TMIGD3: variants seen among roughly 807,000 people sequenced by gnomAD.
TMIGD3 encodes the protein AD026 protein (AD026).
Under a neutral mutation model 28.1 loss-of-function variants are expected in TMIGD3, and 21 were observed. The observed-to-expected ratio is 0.75, with a 90% CI of 0.53 to 1.08. The LOEUF is 1.08. Ranked by LOEUF, TMIGD3 falls within the 50% of genes least tolerant of loss-of-function variation. TMIGD3 has a pLI of 0.00. For synonymous variants in TMIGD3, 151 were observed against 162.1 expected (o/e 0.93, Z 0.52); for missense variants, 416 against 435.6 (o/e 0.96, Z 0.40).
In TMIGD3 at chr1:111,486,613, T is replaced by C. The variant is rs1273129483; in HGVS notation, c.845A>G (p.Lys282Arg). Residue 282 changes from lysine (K) to arginine (R), a missense_variant, in exon 4 of 6, where the codon AAA becomes AGA. Lys to Arg is a conservative substitution (Grantham distance 26). Transcript: ENST00000369716. The stretch of plus-strand genomic sequence containing the variant: ...GGAGCGGTCAGCCTTGCGGACAACT[T>C]TGGGAGCCTTGCAGCTTCTGGTTTT... ...GNKTRSCKAP[K>R]VVRKADRSRT... The C allele has an allele frequency of 6.8e-6, 11 of 1,613,652 alleles. No homozygotes were observed. Among genetic ancestry groups the C allele is most frequent in the East Asian group, 2.2e-5 (1 of 44,878 alleles).
intron 1 of TMIGD3, among the ~76,000 whole-genome samples, chr1:111,517,110 C>T (rs1395426726): frequency 6.6e-6 from 1 of 152,182 alleles, no homozygotes. Context: ...CATGCTTGCG[C>T]ATGTGTACAC....
rs1242761076 is a variant in TMIGD3, at chr1:111,534,347, G to A, written c.107+29499C>T. ...TACATGACAGCATATCACAAAACAT[G>A]TCCCAAAACGACAATCTTGGCATCC... On this transcript the variant is annotated intron_variant, in intron 1 of 5. Transcript: ENST00000369717. Among the ~76,000 whole-genome samples the A allele has an allele frequency of 5.3e-5, 8 of 152,260 alleles. No individual in the cohort carries two copies. The East Asian group carries it at 1.5e-3, about 29-fold the overall frequency.
chr1:111,506,897 AAT>A (rs370686831), upstream of TMIGD3, among the ~76,000 whole-genome samples: 1 of 131,466 alleles, frequency 7.6e-6, no homozygotes, highest in African/African-American at 3.0e-5. Flanking sequence ...AAAAACAAAA[AAT>A]ATATATATAT....
At chr1:111,535,275 C>T (rs554656792) in intron 1 of TMIGD3, among the ~76,000 whole-genome samples, 107 of 152,324 alleles carry the variant, frequency 7.0e-4, no homozygotes, top group African/African-American at 2.5e-3. Context: ...GTGCTAACTT[C>T]CTTACACTTC....
upstream of TMIGD3, chr1:111,504,946 C>A (rs762100466): frequency 1.2e-4 from 122 of 985,174 alleles, no homozygotes; most frequent in Non-Finnish European, 1.4e-4. Context: ...AACTGAATTT[C>A]CATCATTCTA....
At chr1:111,504,160 A>G (rs1655393442), upstream of TMIGD3, 11 of 985,118 alleles carry the variant, frequency 1.1e-5, no homozygotes, top group Non-Finnish European at 1.3e-5. Flanking sequence ...CCTGCTCAGA[A>G]GGGCAAAAAC....
At chr1:111,483,824 G>T in intron 5 of TMIGD3, 67 bp from the exon 6 acceptor site, 1 of 1,350,956 alleles carries the variant, frequency 7.4e-7, no homozygotes, top group Non-Finnish European at 1.1e-6. Flanking sequence ...GAGTGTTTCT[G>T]CAGCAAAAGT....
intron 1 of TMIGD3, among the ~76,000 whole-genome samples, chr1:111,538,436 C>T (rs187256727): frequency 2.0e-5 from 3 of 152,268 alleles, no homozygotes; most frequent in Non-Finnish European, 2.9e-5. Flanking sequence ...GCTCTGAAAG[C>T]GCATGAGGAG....
chr1:111,544,843 C>T (rs1386441846), intron 1 of TMIGD3, among the ~76,000 whole-genome samples: 4 of 59,884 alleles, frequency 6.7e-5, no homozygotes, highest in Non-Finnish European at 1.3e-4. Flanking sequence ...CAATTTGGTA[C>T]ATACCCAATT....
chr1:111,483,691 A>G lies in TMIGD3; in HGVS notation c.1040T>C (p.Met347Thr), dbSNP rs777563295. 6.2e-7 allele frequency: 1 copy of G among 1,612,714 alleles called. No homozygotes were observed. The highest frequency in any genetic ancestry group is 2.2e-5 in the East Asian group (1 of 44,892). The change falls in exon 6 of 6, where the codon ATG becomes ACG. Residue 347 changes from methionine to threonine, a missense_variant. Met to Thr is a moderately conservative substitution (Grantham distance 81, BLOSUM62 -1). Coordinates refer to ENST00000369716, the MANE Select transcript of TMIGD3 (RefSeq NM_020683.7). Reference protein sequence around the residue: ...TPKEMAPTEQM With the variant: ...TPKEMAPTEQT ...CTAAATTAAAAAAATCTTCAGTCAC[A>G]TCTGTTCAGTAGGAGCCATTTCCTT... is the stretch of plus-strand genomic sequence containing the variant.
chr1:111,527,400 A>G (rs1656304737), intron 1 of TMIGD3, among the ~76,000 whole-genome samples: 1 of 152,192 alleles, frequency 6.6e-6, no homozygotes, highest in Non-Finnish European at 1.5e-5. Context: ...TTATTTATCT[A>G]TTCACCTACT....
chr1:111,533,808 G>A (rs1456066295), intron 1 of TMIGD3, among the ~76,000 whole-genome samples: 1 of 152,096 alleles, frequency 6.6e-6, no homozygotes, highest in African/African-American at 2.4e-5. Flanking sequence ...ACCCACCTCG[G>A]CCCCTAAAGT....
intron 1 of TMIGD3, among the ~76,000 whole-genome samples, chr1:111,559,328 G>A (rs1429981597): frequency 6.6e-6 from 1 of 152,100 alleles, no homozygotes; most frequent in Admixed American, 6.5e-5. Context: ...ATTTATTCAT[G>A]CATTAAACTA....
At chr1:111,521,253 G>C (rs1031254993) in intron 1 of TMIGD3, among the ~76,000 whole-genome samples, 1 of 152,156 alleles carries the variant, frequency 6.6e-6, no homozygotes, top group Non-Finnish European at 1.5e-5. Context: ...ATAAATATTT[G>C]TGAAGAAGTC....
At chr1:111,485,868 T>C (rs373006289) in intron 4 of TMIGD3, 28 bp from the exon 5 acceptor site, 2 of 1,567,152 alleles carry the variant, frequency 1.3e-6, no homozygotes, top group African/African-American at 1.4e-5. Context: ...AGATTTCATG[T>C]TGCTTGGAAG....
chr1:111,557,305 T>C (rs963450319), intron 1 of TMIGD3, among the ~76,000 whole-genome samples: 1 of 152,110 alleles, frequency 6.6e-6, no homozygotes, highest in Admixed American at 6.6e-5. Flanking sequence ...TCCTAGCACT[T>C]TGGGAGTCCG....
intron 1 of TMIGD3, among the ~76,000 whole-genome samples, chr1:111,522,969 G>A (rs149240594): frequency 5.6e-4 from 85 of 152,296 alleles, no homozygotes; most frequent in African/African-American, 2.0e-3. Flanking sequence ...CAATCAGAAT[G>A]TCTATTACTT....
chr1:111,502,631 C>T (rs776175859), intron 1 of TMIGD3, among the ~76,000 whole-genome samples: 2 of 150,430 alleles, frequency 1.3e-5, no homozygotes, highest in African/African-American at 2.5e-5. Context: ...TATCTGCCTG[C>T]TTCTCCTAAA....
chr1:111,515,053 C>T (rs72975009), intron 1 of TMIGD3, among the ~76,000 whole-genome samples: 1,532 of 152,354 alleles, frequency 0.01, 16 homozygotes, highest in African/African-American at 0.034. Context: ...TGGAACCCCA[C>T]ATTGAATCCA....
Sources: allele counts gnomAD v4.1 joint callset (sites outside exome capture counted in the v4.1 genomes callset), GRCh38; gene constraint gnomAD v4.1.1; transcripts MANE v1.5; gene names NCBI Gene and HGNC (gene_info 2026-07-23, HGNC 2026-07-21).